Variants in SLC44A5 observed in about 807,000 individuals in gnomAD.
SLC44A5 encodes the protein choline transporter-like protein 5.
In SLC44A5, 57 loss-of-function variants were observed where a neutral mutation model predicts 101.8. That is an observed-to-expected ratio of 0.56 (90% CI 0.45 to 0.70). The LOEUF (loss-of-function observed/expected upper bound fraction) is 0.70. Among genes scored for constraint, SLC44A5 ranks in the 30% least tolerant of loss-of-function variants. The probability of loss-of-function intolerance (pLI) is 0.00; values close to 1 mark genes in which losing one functional copy is unlikely to be tolerated. For synonymous variants in SLC44A5, 281 were observed against 290.9 expected, an observed-to-expected ratio of 0.97 and a Z score of 0.35; for missense variants, 737 against 853.1, an observed-to-expected ratio of 0.86 and a Z score of 1.70.
chr1:75,680,860 G>A, the SLC44A5 span, among the ~76,000 whole-genome samples: 1 of 151,418 alleles, frequency 6.6e-6, no homozygotes, highest in African/African-American at 2.4e-5. Flanking sequence ...TTGATAGACG[G>A]CTAGCAAGAC....
At chr1:75,698,276 G>A in the SLC44A5 span, among the ~76,000 whole-genome samples, 29 of 152,312 alleles carry the variant, frequency 1.9e-4, 1 homozygote, top group Admixed American at 1.9e-3. Flanking sequence ...GAAGAGAGCA[G>A]TGGTTCTCCC....
intron 2 of SLC44A5, among the ~76,000 whole-genome samples, chr1:75,424,110 T>G (rs925704931): frequency 3.9e-5 from 6 of 152,150 alleles, no homozygotes; most frequent in Non-Finnish European, 8.8e-5. Context: ...TGTGGATAAT[T>G]AATTTGTGCT....
intron 1 of SLC44A5, among the ~76,000 whole-genome samples, chr1:75,543,460 C>T (rs1671464006): frequency 1.3e-5 from 2 of 151,824 alleles, no homozygotes; most frequent in Non-Finnish European, 2.9e-5. Context: ...TGTTTACTTT[C>T]ACCGCTGCAT....
intron 2 of SLC44A5, among the ~76,000 whole-genome samples, chr1:75,536,942 C>T (rs1471678569): frequency 6.6e-5 from 8 of 120,690 alleles, no homozygotes; most frequent in African/African-American, 2.5e-4. Context: ...GGAGGCGGAG[C>T]TTGCAGTGAG....
At chr1:75,252,018 C>T (rs748086161) in intron 6 of SLC44A5, among the ~76,000 whole-genome samples, 5 of 152,116 alleles carry the variant, frequency 3.3e-5, no homozygotes, top group African/African-American at 4.8e-5. Context: ...TAAGATAATG[C>T]GTAGTGGACT....
At position 75,317,567 on chromosome 1, in the gene SLC44A5, G is replaced by A. The variant is rs140778568; in HGVS notation, c.102-16882C>T. Among the ~76,000 whole-genome samples, 1,485 of 152,214 alleles carry A rather than the reference G, an allele frequency of 9.8e-3. 23 individuals carry two copies. The highest frequency in any genetic ancestry group is 0.047 in the South Asian group (227 of 4,820). On this transcript the variant is annotated intron_variant, in intron 4 of 23. Coordinates refer to ENST00000370859, the MANE Select transcript of SLC44A5 (RefSeq NM_001130058.2). ...ACAATTTAAAAGCACTATTCTGGTG[G>A]GTGGGCAGAGTGAACATCCTAGATG... is the stretch of plus-strand genomic sequence containing the variant.
At chr1:75,558,564 G>A (rs1024170150) in intron 1 of SLC44A5, among the ~76,000 whole-genome samples, 4 of 152,032 alleles carry the variant, frequency 2.6e-5, no homozygotes, top group Non-Finnish European at 5.9e-5. Flanking sequence ...GCTGTAGGTT[G>A]GTTAGCTGCT....
the SLC44A5 span, among the ~76,000 whole-genome samples, chr1:75,699,534 G>A: frequency 4.0e-5 from 6 of 150,746 alleles, no homozygotes; most frequent in Non-Finnish European, 7.4e-5. Context: ...ACTGGTACCA[G>A]CCGCTGCAAA....
chr1:75,241,770 C>A (rs1648649902), intron 9 of SLC44A5, among the ~76,000 whole-genome samples: 1 of 151,980 alleles, frequency 6.6e-6, no homozygotes, highest in Non-Finnish European at 1.5e-5. Flanking sequence ...CAATCTTTTT[C>A]TTGTATGTTT....
intron 3 of SLC44A5, among the ~76,000 whole-genome samples, chr1:75,366,941 A>G (rs1191064482): frequency 9.0e-6 from 1 of 110,636 alleles, no homozygotes; most frequent in East Asian, 1.7e-3. Flanking sequence ...TTATTTTTAA[A>G]TAATTATCTA....
At chr1:75,503,995 A>C (rs1240828264) in intron 2 of SLC44A5, among the ~76,000 whole-genome samples, 3 of 152,088 alleles carry the variant, frequency 2.0e-5, no homozygotes, top group Admixed American at 6.6e-5. Flanking sequence ...TTTTGCCCCT[A>C]AACAGTGAGG....
At chr1:75,446,504 C>T (rs566002354) in intron 2 of SLC44A5, among the ~76,000 whole-genome samples, 4 of 152,096 alleles carry the variant, frequency 2.6e-5, no homozygotes, top group South Asian at 2.1e-4. Flanking sequence ...CTTTATCTCT[C>T]CCTCTTTATT....
chr1:75,566,542 G>A (rs1325548902), intron 1 of SLC44A5, among the ~76,000 whole-genome samples: 1 of 152,128 alleles, frequency 6.6e-6, no homozygotes, highest in Non-Finnish European at 1.5e-5. Flanking sequence ...TAACAACTTT[G>A]TGTTAAAACC....
intron 1 of SLC44A5, among the ~76,000 whole-genome samples, chr1:75,551,781 A>C (rs1671950722): frequency 6.6e-6 from 1 of 152,090 alleles, no homozygotes; most frequent in African/African-American, 2.4e-5. Flanking sequence ...CAGAATTGTG[A>C]ATATTAAGGA....
Position 75,446,612 on chromosome 1 carries a change from CT to C in SLC44A5, c.14-49992del, listed in dbSNP as rs1665591789. Among the ~76,000 whole-genome samples the C allele has an allele frequency of 2.6e-5, 4 of 151,640 alleles. No homozygotes were observed. In the South Asian group the frequency reaches 6.2e-4, roughly 24 times the overall value. On this transcript the variant is annotated intron_variant, in intron 2 of 23. Coordinates refer to ENST00000370859, the MANE Select transcript of SLC44A5 (RefSeq NM_001130058.2). ...AAGGTCCTATAAAGGCAGAGATTGC[CT>C]TGTCACCACTGTGAACTGTGAATAG... is the stretch of plus-strand genomic sequence containing the variant.
At chr1:75,443,836 T>C in intron 2 of SLC44A5, among the ~76,000 whole-genome samples, 1 of 151,226 alleles carries the variant, frequency 6.6e-6, no homozygotes, top group East Asian at 1.9e-4. Context: ...TTTAAGAAAA[T>C]CTAACAATAT....
chr1:75,667,617 CA>C, the SLC44A5 span, among the ~76,000 whole-genome samples: 1 of 152,030 alleles, frequency 6.6e-6, no homozygotes, highest in Admixed American at 6.6e-5. Context: ...AAAACAAAAA[CA>C]AAAACAACAC....
rs1334725753 is a variant in SLC44A5, at chr1:75,291,740, G to A, written c.175+8872C>T. Reference sequence around the variant, plus strand: ...ACAGAAAGCAGGGTAGGCCGGGCACGTTGGCTCACACCTGTAATCCCAGCA... The same window carrying A: ...ACAGAAAGCAGGGTAGGCCGGGCACATTGGCTCACACCTGTAATCCCAGCA... On this transcript the variant is annotated intron_variant, in intron 5 of 23. Transcript: ENST00000370859. Among the ~76,000 whole-genome samples, 6 of 152,050 alleles carry A rather than the reference G, an allele frequency of 3.9e-5. No individual in the cohort carries two copies. The South Asian group carries it at 6.2e-4, about 16-fold the overall frequency.
chr1:75,675,852 T>C, the SLC44A5 span, among the ~76,000 whole-genome samples: 2 of 152,164 alleles, frequency 1.3e-5, no homozygotes, highest in African/African-American at 4.8e-5. Context: ...TTAAATAAAT[T>C]TGTAAGAAAA....
Sources: allele counts gnomAD v4.1 joint callset (sites outside exome capture counted in the v4.1 genomes callset), GRCh38; gene constraint gnomAD v4.1.1; transcripts MANE v1.5; gene names NCBI Gene and HGNC (gene_info 2026-07-23, HGNC 2026-07-21).